The following RBFOX3 variants were observed in gnomAD, a reference collection of about 807,000 sequenced individuals.
The protein encoded by RBFOX3 is RNA binding fox-1 homolog 3, also known as RNA binding protein fox-1 homolog 3.
A neutral mutation model predicts 48.7 loss-of-function variants in RBFOX3; 17 were observed. That is an observed-to-expected ratio of 0.35 (90% CI 0.24 to 0.52). The LOEUF is 0.52. Among genes scored for constraint, RBFOX3 ranks in the 20% least tolerant of loss-of-function variants. RBFOX3 has a pLI of 0.94. For synonymous variants in RBFOX3, 212 were observed against 209.5 expected (o/e 1.01, Z -0.10); for missense variants, 382 against 497.5 (o/e 0.77, Z 2.21).
At chr17:79,594,682 A>G (rs2093520229) in intron 1 of RBFOX3, among the ~76,000 whole-genome samples, 1 of 152,264 alleles carries the variant, frequency 6.6e-6, no homozygotes, top group South Asian at 2.1e-4. Context: ...AGAACTGTAC[A>G]TCAATGTGAC....
At chr17:79,610,411 G>C (rs2093945500) in intron 1 of RBFOX3, among the ~76,000 whole-genome samples, 1 of 151,818 alleles carries the variant, frequency 6.6e-6, no homozygotes, top group African/African-American at 2.4e-5. Context: ...CCCCCGCCGG[G>C]GAGTTCCCCG....
At chr17:79,154,445 C>A (rs2045309279) in intron 4 of RBFOX3, among the ~76,000 whole-genome samples, 1 of 152,228 alleles carries the variant, frequency 6.6e-6, no homozygotes, top group South Asian at 2.1e-4. Flanking sequence ...CGATGCCCGG[C>A]ACATAGCAGG....
intron 2 of RBFOX3, among the ~76,000 whole-genome samples, chr17:79,345,846 A>T (rs538243654): frequency 6.6e-6 from 1 of 152,080 alleles, no homozygotes; most frequent in Non-Finnish European, 1.5e-5. Flanking sequence ...AATGTACTCA[A>T]GTCTGTCAAT....
intron 4 of RBFOX3, among the ~76,000 whole-genome samples, chr17:79,143,373 CGG>C (rs915971467): frequency 2.9e-3 from 23 of 7,998 alleles, no homozygotes; most frequent in Non-Finnish European, 5.4e-3. Flanking sequence ...GTTGGTGGAG[CGG>C]GGGGTGGGGG....
chr17:79,227,043 C>T (rs2060390208), intron 4 of RBFOX3, among the ~76,000 whole-genome samples: 2 of 152,222 alleles, frequency 1.3e-5, no homozygotes, highest in African/African-American at 4.8e-5. Context: ...TCCAACCCCG[C>T]CTTGCTCCCC....
At chr17:79,366,828 C>T (rs1416668641) in intron 2 of RBFOX3, among the ~76,000 whole-genome samples, 2 of 152,236 alleles carry the variant, frequency 1.3e-5, no homozygotes, top group Admixed American at 1.3e-4. Context: ...GGAGCCCCTT[C>T]CGGGGAGCTG....
chr17:79,213,948 C>A (rs8073789), intron 4 of RBFOX3, among the ~76,000 whole-genome samples: 1 of 152,110 alleles, frequency 6.6e-6, no homozygotes, highest in Non-Finnish European at 1.5e-5. Context: ...CAAGACATCG[C>A]GTGCTGCCTG....
intron 4 of RBFOX3, among the ~76,000 whole-genome samples, chr17:79,170,053 AG>A (rs1251331358): frequency 7.2e-6 from 1 of 138,450 alleles, no homozygotes; most frequent in African/African-American, 3.0e-5. Flanking sequence ...AGAAGAGGGA[AG>A]GGAAGGAGGA....
At chr17:79,558,350 C>T (rs928112984) in intron 1 of RBFOX3, among the ~76,000 whole-genome samples, 4 of 152,204 alleles carry the variant, frequency 2.6e-5, no homozygotes, top group Non-Finnish European at 4.4e-5. Flanking sequence ...GCCCTGTGTG[C>T]ATGAGAGCCA....
chr17:79,640,369 T>C, the RBFOX3 span, among the ~76,000 whole-genome samples: 2 of 152,180 alleles, frequency 1.3e-5, no homozygotes, highest in African/African-American at 4.8e-5. Flanking sequence ...AGTTAAAATG[T>C]GCATACCACC....
chr17:79,237,982 G>A (rs1040431310), intron 3 of RBFOX3, among the ~76,000 whole-genome samples: 2 of 152,186 alleles, frequency 1.3e-5, no homozygotes, highest in African/African-American at 4.8e-5. Flanking sequence ...TGTTGCCCAG[G>A]CTGGAGTGCA....
chr17:79,091,491 C>CT (rs2073886904), intron 14 of RBFOX3, among the ~76,000 whole-genome samples: 1 of 152,226 alleles, frequency 6.6e-6, no homozygotes, highest in African/African-American at 2.4e-5. Context: ...CAGCCAGTGT[C>CT]TCCCCAGAAG....
At chr17:79,308,531 C>T (rs964886284) in intron 2 of RBFOX3, among the ~76,000 whole-genome samples, 3 of 152,144 alleles carry the variant, frequency 2.0e-5, no homozygotes, top group East Asian at 1.9e-4. Flanking sequence ...TGCCTCTTAG[C>T]GGCTCACTCT....
chr17:79,388,787 C>T (rs550138624), intron 2 of RBFOX3, among the ~76,000 whole-genome samples: 7 of 152,324 alleles, frequency 4.6e-5, no homozygotes, highest in East Asian at 1.9e-4. Flanking sequence ...CGGAGCCTCT[C>T]GCCAAGCATC....
intron 2 of RBFOX3, among the ~76,000 whole-genome samples, chr17:79,387,228 G>A (rs2060678739): frequency 6.6e-6 from 1 of 152,138 alleles, no homozygotes; most frequent in East Asian, 1.9e-4. Flanking sequence ...TCAGTAATTT[G>A]TTTCTACAGT....
chr17:79,486,522 C>T (rs1160758793), intron 1 of RBFOX3, among the ~76,000 whole-genome samples: 2 of 152,202 alleles, frequency 1.3e-5, no homozygotes, highest in Admixed American at 6.5e-5. Flanking sequence ...GTCCCCTACA[C>T]ACACATATGC....
intron 2 of RBFOX3, among the ~76,000 whole-genome samples, chr17:79,410,997 T>C (rs1359041256): frequency 6.6e-6 from 1 of 152,134 alleles, no homozygotes; most frequent in African/African-American, 2.4e-5. Flanking sequence ...CTGGGCTGAG[T>C]GCAGAGACCC....
chr17:79,410,878 C>A (rs1443407162), intron 2 of RBFOX3, among the ~76,000 whole-genome samples: 1 of 152,188 alleles, frequency 6.6e-6, no homozygotes, highest in South Asian at 2.1e-4. Flanking sequence ...CAGCTGCTCA[C>A]CTGTGGCACC....
chr17:79,094,504 C>T lies in RBFOX3; in HGVS notation c.1024G>A (p.Asp342Asn), dbSNP rs1473307375. 5.5e-6 allele frequency: 7 copies of T among 1,277,240 alleles called. No homozygotes were observed. The highest frequency in any genetic ancestry group is 3.5e-5 in the Admixed American group (1 of 28,576). 79.1% of individuals were successfully genotyped at this position (1,277,240 alleles called of 1,614,324 possible). A position where few individuals can be genotyped will look rare whatever the true frequency, so the allele number is the denominator to read the frequency against. Residue 342 changes from aspartate to asparagine, a missense_variant, in exon 14 of 15, where the codon GAC becomes AAC. Coordinates refer to ENST00000693108, the MANE Select transcript of RBFOX3 (RefSeq NM_001350451.2). ...GGCCCGATGGTGTGATGGTACGGGTCGGCAGCTGCGTAGACTCTGCCGTAA... is the reference window on the plus strand; with the variant it reads ...GGCCCGATGGTGTGATGGTACGGGTTGGCAGCTGCGTAGACTCTGCCGTAA... ...DSYGRVYAAA[D>N]PYHHTIGPAA...
Sources: allele counts gnomAD v4.1 joint callset (sites outside exome capture counted in the v4.1 genomes callset), GRCh38; gene constraint gnomAD v4.1.1; transcripts MANE v1.5; gene names NCBI Gene and HGNC (gene_info 2026-07-23, HGNC 2026-07-21).